RNF144A: variants seen among roughly 807,000 people sequenced by gnomAD.
The protein encoded by RNF144A is ring finger protein 144A.
Under a neutral mutation model 38.7 loss-of-function variants are expected in RNF144A, and 11 were observed. The observed-to-expected ratio is 0.28, with a 90% CI of 0.18 to 0.47. The LOEUF (loss-of-function observed/expected upper bound fraction) is 0.47, where lower values mean the gene tolerates loss of function less well. Ranked by LOEUF, RNF144A falls within the 20% of genes least tolerant of loss-of-function variation. The pLI is 0.99. For synonymous variants in RNF144A, 149 were observed against 143.9 expected, an observed-to-expected ratio of 1.04 and a Z score of -0.25; for missense variants, 316 against 377.2, an observed-to-expected ratio of 0.84 and a Z score of 1.34.
chr2:6,956,810 T>TA (rs1219410960), intron 2 of RNF144A, among the ~76,000 whole-genome samples: 3 of 152,178 alleles, frequency 2.0e-5, no homozygotes, highest in Non-Finnish European at 4.4e-5. Context: ...AGCAAATACA[T>TA]ATGCTACAAA....
Position 7,040,132 on chromosome 2 carries a change from CT to C in RNF144A, c.*376del. 9.9e-7 allele frequency: 1 copy of C among 1,007,142 alleles called. No individual in the cohort carries two copies. Among genetic ancestry groups the C allele is most frequent in the East Asian group, 1.0e-4 (1 of 9,588 alleles). 62.4% of individuals were successfully genotyped at this position (1,007,142 alleles called of 1,614,324 possible). On this transcript the variant is annotated 3_prime_UTR_variant, in exon 9 of 9. Transcript: ENST00000320892. ...GATGGCACCATGTTGTCAGAGAAGT[CT>C]TTTAAGGACTGCCACTCTCTTCAGA...
At chr2:6,942,270 TAGAA>T (rs977198652) in intron 2 of RNF144A, among the ~76,000 whole-genome samples, 5 of 150,840 alleles carry the variant, frequency 3.3e-5, no homozygotes, top group Admixed American at 1.3e-4. Flanking sequence ...CAGAGGACGT[TAGAA>T]AGGGCGGAGG....
intron 3 of RNF144A, among the ~76,000 whole-genome samples, chr2:6,997,760 C>T (rs918682556): frequency 1.3e-5 from 2 of 152,020 alleles, no homozygotes; most frequent in South Asian, 2.1e-4. Flanking sequence ...GCATAGAAGC[C>T]GGAAGTAGGA....
At chr2:6,933,110 C>G (rs1049500806) in intron 1 of RNF144A, 6 of 152,248 alleles carry the variant, frequency 3.9e-5, no homozygotes, top group African/African-American at 1.4e-4. Flanking sequence ...TTTTGAAATA[C>G]TAACTTGCAA....
intron 1 of RNF144A, among the ~76,000 whole-genome samples, chr2:6,923,677 G>A (rs534702966): frequency 1.3e-5 from 2 of 152,338 alleles, no homozygotes; most frequent in African/African-American, 4.8e-5. Context: ...GCACGGAGCA[G>A]AACTGGGACG....
chr2:7,034,661 G>A (rs528650892), intron 8 of RNF144A, among the ~76,000 whole-genome samples: 1 of 152,364 alleles, frequency 6.6e-6, no homozygotes, highest in Admixed American at 6.5e-5. Context: ...AAGGCAGGGT[G>A]AGACATTAGA....
chr2:6,960,427 C>T (rs897158033), intron 2 of RNF144A, among the ~76,000 whole-genome samples: 5 of 152,176 alleles, frequency 3.3e-5, no homozygotes, highest in East Asian at 1.9e-4. Context: ...GAACTTGAGT[C>T]GGGGTGAGTC....
intron 2 of RNF144A, among the ~76,000 whole-genome samples, chr2:6,953,113 T>C (rs1012602198): frequency 6.6e-6 from 1 of 152,212 alleles, no homozygotes; most frequent in Non-Finnish European, 1.5e-5. Flanking sequence ...TTTTAAAATA[T>C]AAGCATTTAA....
At position 7,043,473 on chromosome 2, in the gene RNF144A, T is replaced by A. The variant is rs142940325; in HGVS notation, c.*3713T>A. ...TAGTGAGCACACCTGTGTATATATA[T>A]AAATCACAAGGAGATCATCAAGGGA... is the stretch of plus-strand genomic sequence containing the variant. On this transcript the variant is annotated 3_prime_UTR_variant, in exon 9 of 9. Transcript: ENST00000320892. The A allele has an allele frequency of 8.1e-5, 80 of 985,818 alleles. 2 individuals carry two copies. In the African/African-American group the frequency reaches 1.3e-3, roughly 17 times the overall value. The allele number at this position is 985,818 out of a possible 1,614,324, so 61.1% of individuals were successfully genotyped here. A position where few individuals can be genotyped will look rare whatever the true frequency, so the allele number is the denominator to read the frequency against.
In RNF144A at chr2:6,946,865, G is replaced by A. The variant is rs146860540; in HGVS notation, c.-12+5718G>A. Among the ~76,000 whole-genome samples, 370 of 152,268 alleles carry A rather than the reference G, an allele frequency of 2.4e-3. 2 individuals carry two copies. The highest frequency in any genetic ancestry group is 8.0e-3 in the African/African-American group (334 of 41,582). ...TGTTTCCCAGAAACTGGACTTGAAT[G>A]ACTAATGTCTTGGTTGTACATTATT... is the stretch of plus-strand genomic sequence containing the variant. On this transcript the variant is annotated intron_variant, in intron 2 of 8. Transcript: ENST00000320892.
chr2:6,932,019 T>C (rs921790613), intron 1 of RNF144A, among the ~76,000 whole-genome samples: 1 of 152,242 alleles, frequency 6.6e-6, no homozygotes, highest in African/African-American at 2.4e-5. Flanking sequence ...GGTGTTAAAG[T>C]CTACAGCTAT....
chr2:7,066,552 T>C (rs1335278749), intron 6 of RNF144A, among the ~76,000 whole-genome samples: 1 of 152,232 alleles, frequency 6.6e-6, no homozygotes. Flanking sequence ...GTTATTTGCA[T>C]ATGTGCAGTA....
intron 2 of RNF144A, among the ~76,000 whole-genome samples, chr2:6,959,954 A>G (rs1412231718): frequency 6.6e-6 from 1 of 152,178 alleles, no homozygotes; most frequent in Non-Finnish European, 1.5e-5. Context: ...TCAAGGGGCT[A>G]CCTGTCCCTG....
chr2:6,926,519 A>G (rs1352740415), intron 1 of RNF144A, among the ~76,000 whole-genome samples: 1 of 152,238 alleles, frequency 6.6e-6, no homozygotes, highest in South Asian at 2.1e-4. Context: ...GATTAGGCCC[A>G]GAGCCATATG....
At chr2:6,970,588 A>G (rs935205702) in intron 2 of RNF144A, among the ~76,000 whole-genome samples, 4 of 152,184 alleles carry the variant, frequency 2.6e-5, no homozygotes, top group African/African-American at 9.7e-5. Context: ...TGTCCCAAGC[A>G]TTTTGGATGA....
In RNF144A at chr2:6,950,179, G is replaced by C. The variant is rs1282738809; in HGVS notation, c.-12+9032G>C. The stretch of plus-strand genomic sequence containing the variant: ...CGAGAGCATCGTTGATGTGAATGGT[G>C]CTCCCATATATTGCTGCCCTGGCAT... On this transcript the variant is annotated intron_variant, in intron 2 of 8. Coordinates refer to ENST00000320892, the MANE Select transcript of RNF144A (RefSeq NM_014746.6). Among the ~76,000 whole-genome samples, 5 of 152,198 alleles carry C rather than the reference G, an allele frequency of 3.3e-5. No individual in the cohort carries two copies. In the South Asian group the frequency reaches 1.0e-3, roughly 31 times the overall value.
rs1667141232 is a variant in RNF144A at position 6,958,468 on chromosome 2, C to T, written c.-12+17321C>T. Among the ~76,000 whole-genome samples the T allele has an allele frequency of 1.3e-5, 2 of 152,168 alleles. No homozygotes were observed. Among genetic ancestry groups the T allele is most frequent in the Non-Finnish European group, 2.9e-5 (2 of 68,034 alleles). ...CCAGATGTCTTAGTGATTCATGGTG[C>T]TCTCAGCATAGACCTTGAGCAATAA... On this transcript the variant is annotated intron_variant, in intron 2 of 8. Transcript: ENST00000320892. This position sits in a 1 kb window ranked among gnomAD's most constrained non-coding sequence, Gnocchi z 4.5.
chr2:6,960,788 G>GC (rs1667286115), intron 2 of RNF144A, among the ~76,000 whole-genome samples: 1 of 152,148 alleles, frequency 6.6e-6, no homozygotes, highest in Admixed American at 6.5e-5. Context: ...CCGCAGACAG[G>GC]CAGGTCTGTG....
chr2:7,013,937 C>G (rs976603362), intron 3 of RNF144A, among the ~76,000 whole-genome samples: 1 of 152,178 alleles, frequency 6.6e-6, no homozygotes, highest in Non-Finnish European at 1.5e-5. Context: ...TCTGAGCAAG[C>G]TTGGGTTCAC....
Sources: gnomAD v4.1 joint callset for allele counts (sites outside exome capture counted in the v4.1 genomes callset) on GRCh38, gnomAD v4.1.1 for gene constraint, Gnocchi (gnomAD v3.1) non-coding constraint, MANE v1.5 for transcripts, NCBI Gene and HGNC (gene_info 2026-07-23, HGNC 2026-07-21) for gene names.